FARS2: variants seen among roughly 807,000 people sequenced by gnomAD.
FARS2 encodes phenylalanine--tRNA ligase, mitochondrial.
In FARS2, 40 loss-of-function variants were observed where a neutral mutation model predicts 46.4. The ratio of observed to expected loss-of-function variants is 0.86; its 90% CI spans 0.67 to 1.12. FARS2 has a LOEUF of 1.12. FARS2 is among the 50% of genes most tolerant of loss of function. The pLI is 0.00. For synonymous variants in FARS2, 234 were observed against 214.9 expected (o/e 1.09, Z -0.78); for missense variants, 513 against 567.9 (o/e 0.90, Z 0.98).
intron 6 of FARS2, among the ~76,000 whole-genome samples, chr6:5,696,107 A>C (rs1307898497): frequency 6.6e-6 from 1 of 152,220 alleles, no homozygotes; most frequent in Non-Finnish European, 1.5e-5. Context: ...CTCCATCTAC[A>C]TTGTCTGTGG....
intron 3 of FARS2, among the ~76,000 whole-genome samples, chr6:5,412,042 T>A (rs1210595870): frequency 6.6e-6 from 1 of 152,132 alleles, no homozygotes; most frequent in South Asian, 2.1e-4. Context: ...TGTAGCACAG[T>A]TTAGATTAAT....
At chr6:5,702,766 A>G (rs548647343) in intron 6 of FARS2, among the ~76,000 whole-genome samples, 39 of 152,350 alleles carry the variant, frequency 2.6e-4, no homozygotes, top group Non-Finnish European at 4.4e-4. Flanking sequence ...ATAGCTAACT[A>G]GGATTTTATT....
intron 3 of FARS2, among the ~76,000 whole-genome samples, chr6:5,423,934 T>C (rs759796774): frequency 6.6e-6 from 1 of 152,202 alleles, no homozygotes; most frequent in Admixed American, 6.5e-5. Flanking sequence ...TATTCCCACA[T>C]GGATGCTTCA....
intron 1 of FARS2, among the ~76,000 whole-genome samples, chr6:5,350,807 G>A (rs536005112): frequency 6.6e-5 from 10 of 152,290 alleles, no homozygotes; most frequent in Non-Finnish European, 8.8e-5. Flanking sequence ...GAATTGCTCT[G>A]TATTATTTAA....
intron 6 of FARS2, among the ~76,000 whole-genome samples, chr6:5,621,288 G>C (rs1216858269): frequency 6.6e-6 from 1 of 151,002 alleles, no homozygotes; most frequent in Non-Finnish European, 1.5e-5. Flanking sequence ...TGGAGGTCTT[G>C]CTTCGTTGCC....
intron 4 of FARS2, among the ~76,000 whole-genome samples, chr6:5,511,004 G>A (rs970033360): frequency 3.9e-5 from 6 of 152,182 alleles, no homozygotes; most frequent in Non-Finnish European, 7.3e-5. Flanking sequence ...CAGAGCCTGA[G>A]TTGTCTCCCA....
At chr6:5,429,763 T>C (rs9378948) in intron 3 of FARS2, among the ~76,000 whole-genome samples, 103,663 of 151,984 alleles carry the variant, frequency 0.68, 35,715 homozygotes, top group East Asian at 0.91. Flanking sequence ...TGAACTATGA[T>C]TGGGGAGCCA....
At chr6:5,492,849 T>TGC (rs200244387) in intron 4 of FARS2, among the ~76,000 whole-genome samples, 28,250 of 152,210 alleles carry the variant, frequency 0.19, 2,967 homozygotes, top group African/African-American at 0.26. Flanking sequence ...AGAGTGTATA[T>TGC]AGCCTTACAC....
At chr6:5,614,244 G>A (rs540208870) in intron 6 of FARS2, among the ~76,000 whole-genome samples, 9 of 152,236 alleles carry the variant, frequency 5.9e-5, no homozygotes, top group African/African-American at 2.2e-4. Context: ...GGTCCCCTTT[G>A]GCTCCTAGCT....
At chr6:5,683,633 C>T (rs1779146432) in intron 6 of FARS2, among the ~76,000 whole-genome samples, 1 of 151,490 alleles carries the variant, frequency 6.6e-6, no homozygotes, top group Non-Finnish European at 1.5e-5. Context: ...CTTTAAGTTC[C>T]GGGATTCATG....
chr6:5,452,229 A>T (rs184508808), intron 4 of FARS2: 1 of 151,174 alleles, frequency 6.6e-6, no homozygotes, highest in Non-Finnish European at 1.5e-5. Flanking sequence ...GTAGCACAGT[A>T]CTAGGAGTTG....
intron 6 of FARS2, among the ~76,000 whole-genome samples, chr6:5,675,164 C>T (rs1561792693): frequency 6.6e-6 from 1 of 151,834 alleles, no homozygotes; most frequent in Non-Finnish European, 1.5e-5. Flanking sequence ...ATATTTACCT[C>T]TTGAGTCAAT....
intron 5 of FARS2, among the ~76,000 whole-genome samples, chr6:5,591,385 A>G (rs971506117): frequency 6.6e-6 from 1 of 152,194 alleles, no homozygotes; most frequent in Non-Finnish European, 1.5e-5. Flanking sequence ...CCCCTCCGCA[A>G]CTTACATCAG....
At chr6:5,293,987 AAC>A (rs995501073) in intron 1 of FARS2, among the ~76,000 whole-genome samples, 1 of 152,158 alleles carries the variant, frequency 6.6e-6, no homozygotes, top group Non-Finnish European at 1.5e-5. Context: ...TTTAAACTTA[AAC>A]ACACACACAC....
chr6:5,301,799 A>G (rs1768324962), intron 1 of FARS2, among the ~76,000 whole-genome samples: 1 of 129,208 alleles, frequency 7.7e-6, no homozygotes, highest in African/African-American at 3.4e-5. Flanking sequence ...TCTCACACAC[A>G]CATACACACA....
chr6:5,751,724 G>A (rs1260893823), intron 6 of FARS2, among the ~76,000 whole-genome samples: 1 of 152,202 alleles, frequency 6.6e-6, no homozygotes, highest in East Asian at 1.9e-4. Flanking sequence ...CTATGGCTCT[G>A]ATTCCACACA....
intron 1 of FARS2, among the ~76,000 whole-genome samples, chr6:5,315,943 TGAGGAAGGGAGAAGCACGTAGTGC>T (rs1427190619): frequency 6.6e-6 from 1 of 152,190 alleles, no homozygotes; most frequent in African/African-American, 2.4e-5. Flanking sequence ...GAGTTGTGCG[TGAGGAAGGGAGAAGCACGTAGTGC>T]TGATGCTCAC....
At chr6:5,354,080 T>C (rs1259603420) in intron 1 of FARS2, among the ~76,000 whole-genome samples, 1 of 151,934 alleles carries the variant, frequency 6.6e-6, no homozygotes, top group East Asian at 1.9e-4. Context: ...TAGTTTTCTC[T>C]CCATGTCATC....
intron 5 of FARS2, among the ~76,000 whole-genome samples, chr6:5,587,736 G>T (rs1375786803): frequency 6.6e-6 from 1 of 152,028 alleles, no homozygotes; most frequent in Non-Finnish European, 1.5e-5. Context: ...ACATTCTTTG[G>T]GTCAAATATC....
Sources: gnomAD v4.1 joint callset for allele counts (sites outside exome capture counted in the v4.1 genomes callset) on GRCh38, gnomAD v4.1.1 for gene constraint, MANE v1.5 for transcripts, NCBI Gene and HGNC (gene_info 2026-07-23, HGNC 2026-07-21) for gene names.